The following GRIA1 variants were observed in gnomAD, a reference collection of about 807,000 sequenced individuals.
GRIA1 encodes the protein glutamate ionotropic receptor AMPA type subunit 1, also known as glutamate receptor 1.
In GRIA1, 31 loss-of-function variants were observed where a neutral mutation model predicts 99.2. The ratio of observed to expected loss-of-function variants is 0.31; its 90% CI spans 0.23 to 0.42. The LOEUF is 0.42. Among genes scored for constraint, GRIA1 ranks in the 10% least tolerant of loss-of-function variants. The pLI, the probability that GRIA1 is intolerant of heterozygous loss-of-function variation, is 1.00. For missense variants in GRIA1, 782 were observed against 1,157.5 expected (o/e 0.68, Z 4.71); for synonymous variants, 438 against 432.4 (o/e 1.01, Z -0.16).
At chr5:153,684,656 G>A (rs191075395) in intron 7 of GRIA1, among the ~76,000 whole-genome samples, 29 of 152,292 alleles carry the variant, frequency 1.9e-4, no homozygotes, top group African/African-American at 7.0e-4. Context: ...ATCTTGAACT[G>A]GAAATAAGGG....
intron 15 of GRIA1, among the ~76,000 whole-genome samples, chr5:153,804,536 CCA>C (rs1194326046): frequency 6.6e-5 from 10 of 152,074 alleles, no homozygotes; most frequent in African/African-American, 2.4e-4. Context: ...AGCCAGAGGC[CCA>C]GAGTTGGCCC....
chr5:153,658,354 A>T (rs1408067240), intron 5 of GRIA1, among the ~76,000 whole-genome samples: 2 of 152,162 alleles, frequency 1.3e-5, no homozygotes, highest in Non-Finnish European at 2.9e-5. Context: ...GTTGCCAAGT[A>T]ACCCCTCAGT....
chr5:153,691,653 G>A (rs781502914), intron 8 of GRIA1, among the ~76,000 whole-genome samples: 3 of 152,126 alleles, frequency 2.0e-5, no homozygotes, highest in African/African-American at 4.8e-5. Context: ...TTAAATCCTT[G>A]TTACCCAATT....
chr5:153,520,395 A>C (rs1414568080), intron 2 of GRIA1, among the ~76,000 whole-genome samples: 1 of 152,238 alleles, frequency 6.6e-6, no homozygotes, highest in African/African-American at 2.4e-5. Flanking sequence ...TTATTTACCA[A>C]ATCAAAAGTT....
At chr5:153,743,807 T>C (rs1358230212) in intron 11 of GRIA1, among the ~76,000 whole-genome samples, 1 of 152,182 alleles carries the variant, frequency 6.6e-6, no homozygotes, top group Non-Finnish European at 1.5e-5. Flanking sequence ...ATCATAGCAG[T>C]AACACCAGGG....
At chr5:153,597,183 TG>T (rs1437460447) in intron 2 of GRIA1, among the ~76,000 whole-genome samples, 1 of 152,246 alleles carries the variant, frequency 6.6e-6, no homozygotes, top group Non-Finnish European at 1.5e-5. Flanking sequence ...AGGGGCGCTT[TG>T]GTCAATAGAA....
chr5:153,674,682 C>G, intron 6 of GRIA1, 21 bp downstream of exon 6: 1 of 1,612,242 alleles, frequency 6.2e-7, no homozygotes, highest in East Asian at 2.2e-5. Flanking sequence ...GGGCAGCCAG[C>G]AGCAAAGGGC....
At chr5:153,608,514 C>T (rs1493386) in intron 2 of GRIA1, among the ~76,000 whole-genome samples, 35,068 of 152,044 alleles carry the variant, frequency 0.23, 4,470 homozygotes, top group Non-Finnish European at 0.3. Context: ...TTTGGCTGCA[C>T]CTAATCTGCC....
rs193157537 is a variant in GRIA1, at chr5:153,515,425, A to G, written c.220+21360A>G. 1.6e-3 allele frequency among the ~76,000 whole-genome samples: 240 copies of G among 152,338 alleles called. 2 individuals are homozygous for G. Among genetic ancestry groups the G allele is most frequent in the African/African-American group, 5.4e-3 (224 of 41,578 alleles). On this transcript the variant is annotated intron_variant, in intron 2 of 15. Transcript: ENST00000285900. Reference sequence around the variant, plus strand: ...TCATTCATATGTGAAATCTAAAAGCATCAAACTCGTAGAAGTAAAGAGTAG... The same window carrying G: ...TCATTCATATGTGAAATCTAAAAGCGTCAAACTCGTAGAAGTAAAGAGTAG...
chr5:153,641,829 T>C (rs544303486), intron 2 of GRIA1, among the ~76,000 whole-genome samples: 1 of 152,360 alleles, frequency 6.6e-6, no homozygotes, highest in African/African-American at 2.4e-5. Context: ...GCTGAACTCA[T>C]CCTTAACATA....
Position 153,674,562 on chromosome 5 carries a change from G to T in GRIA1, c.762G>T (p.Gln254His). Residue 254 changes from glutamine to histidine, a missense_variant, in exon 6 of 16, where the codon CAG (glutamine) becomes CAT (histidine). Around this residue, in one of 5 missense-constraint regions of GRIA1, gnomAD observed 461 missense variants for 521.7 expected, o/e 0.88. Coordinates refer to ENST00000285900, the MANE Select transcript of GRIA1 (RefSeq NM_000827.4). ...GTGGCGCCAATGTGACAGGTTTCCA[G>T]CTGGTGAACTACACAGACACTATTC... is the stretch of plus-strand genomic sequence containing the variant. ...KESGANVTGF[Q>H]LVNYTDTIPA... 1 of 1,614,088 alleles carries T rather than the reference G, an allele frequency of 6.2e-7. No individual in the cohort carries two copies. The highest frequency in any genetic ancestry group is 8.5e-7 in the Non-Finnish European group (1 of 1,179,986).
intron 1 of GRIA1, chr5:153,492,263 G>C (rs1348726270): frequency 6.5e-7 from 1 of 1,535,340 alleles, no homozygotes; most frequent in African/African-American, 1.4e-5. Flanking sequence ...TGGCCATGGA[G>C]TAACTTGCTT....
At chr5:153,717,990 A>G (rs931257415) in intron 11 of GRIA1, among the ~76,000 whole-genome samples, 1 of 152,182 alleles carries the variant, frequency 6.6e-6, no homozygotes, top group African/African-American at 2.4e-5. Context: ...ATCAATAGAG[A>G]GGGAGTTTGC....
chr5:153,759,236 TAAATA>T (rs1372684773), intron 11 of GRIA1, among the ~76,000 whole-genome samples: 3 of 143,032 alleles, frequency 2.1e-5, no homozygotes, highest in African/African-American at 5.1e-5. Context: ...AGAACAGAAA[TAAATA>T]AAATAGGGGC....
chr5:153,710,959 G>T (rs1759271321), intron 11 of GRIA1, among the ~76,000 whole-genome samples: 1 of 152,210 alleles, frequency 6.6e-6, no homozygotes, highest in Non-Finnish European at 1.5e-5. Flanking sequence ...GGGTAAGAAT[G>T]AGCTAGACTT....
At chr5:153,787,615 G>A (rs888864934) in intron 13 of GRIA1, among the ~76,000 whole-genome samples, 1 of 152,146 alleles carries the variant, frequency 6.6e-6, no homozygotes, top group East Asian at 1.9e-4. Flanking sequence ...TTCCACTAGA[G>A]GTTGTTTATT....
intron 10 of GRIA1, among the ~76,000 whole-genome samples, chr5:153,699,361 C>A (rs1327560488): frequency 6.6e-6 from 1 of 152,328 alleles, no homozygotes; most frequent in East Asian, 1.9e-4. Context: ...AGGCAGACTG[C>A]TGAGTTGTCT....
chr5:153,791,659 G>C (rs777729372), intron 13 of GRIA1, among the ~76,000 whole-genome samples: 1 of 152,086 alleles, frequency 6.6e-6, no homozygotes, highest in Non-Finnish European at 1.5e-5. Context: ...ACCAAACAGG[G>C]ATATAAGGAT....
chr5:153,675,739 T>C (rs1374778084), intron 6 of GRIA1, among the ~76,000 whole-genome samples: 2 of 152,182 alleles, frequency 1.3e-5, no homozygotes, highest in African/African-American at 4.8e-5. Context: ...GCAAACAAAA[T>C]CGCAAATATG....
Sources: allele counts gnomAD v4.1 joint callset (sites outside exome capture counted in the v4.1 genomes callset), GRCh38; gene constraint gnomAD v4.1.1; regional missense constraint gnomAD v4.1.1; transcripts MANE v1.5; gene names NCBI Gene and HGNC (gene_info 2026-07-23, HGNC 2026-07-21).